The following CDCA2 variants were observed in gnomAD, a reference collection of about 807,000 sequenced individuals.
CDCA2 encodes cell division cycle associated 2.
CDCA2 carries 44 observed loss-of-function variants against 67.0 expected under a neutral mutation model. The observed-to-expected ratio is 0.66, with a 90% CI of 0.52 to 0.84. The LOEUF is 0.84. Ranked by LOEUF, CDCA2 falls within the 40% of genes least tolerant of loss-of-function variation. CDCA2 has a pLI of 0.00. For missense variants in CDCA2, 1,253 were observed against 1,203.2 expected (o/e 1.04, Z -0.61); for synonymous variants, 447 against 418.7 (o/e 1.07, Z -0.82).
At chr8:25,473,098 A>G (rs1423740191) in intron 7 of CDCA2, among the ~76,000 whole-genome samples, 4 of 152,140 alleles carry the variant, frequency 2.6e-5, no homozygotes, top group Non-Finnish European at 5.9e-5. Flanking sequence ...TGTAGGTGAA[A>G]TCATGTGGTT....
chr8:25,506,873 G>C lies in CDCA2; in HGVS notation c.2207G>C (p.Gly736Ala). The C allele has an allele frequency of 6.2e-7, 1 of 1,612,564 alleles. No homozygotes were observed. Among genetic ancestry groups the C allele is most frequent in the Non-Finnish European group, 8.5e-7 (1 of 1,179,480 alleles). ...SPKPALTLQQ[G>A]QEFSAGGQNA... Reference sequence around the variant, plus strand: ...AAACCTGCTCTGACCCTGCAGCAGGGTCAAGAATTTTCTGCTGGTGGTCAA... The same window carrying C: ...AAACCTGCTCTGACCCTGCAGCAGGCTCAAGAATTTTCTGCTGGTGGTCAA... Residue 736 changes from glycine (G) to alanine (A), a missense_variant, in exon 15 of 15, where the codon GGT becomes GCT. Transcript: ENST00000330560.
intron 5 of CDCA2, among the ~76,000 whole-genome samples, chr8:25,467,764 G>T (rs945758600): frequency 1.1e-4 from 17 of 152,050 alleles, no homozygotes; most frequent in African/African-American, 3.6e-4. Flanking sequence ...GAATAAAAAA[G>T]TGTGGTAGAT....
intron 13 of CDCA2, among the ~76,000 whole-genome samples, chr8:25,497,165 C>G (rs953642169): frequency 1.3e-5 from 2 of 152,154 alleles, no homozygotes; most frequent in Admixed American, 6.5e-5. Flanking sequence ...TCCATTTTCA[C>G]AAGCCATTGT....
At chr8:25,477,819 C>G (rs1156747115) in intron 7 of CDCA2, among the ~76,000 whole-genome samples, 1 of 152,178 alleles carries the variant, frequency 6.6e-6, no homozygotes, top group Non-Finnish European at 1.5e-5. Flanking sequence ...TTTTTTCCTT[C>G]ACCAACCTGC....
At chr8:25,489,946 T>C (rs1472088294) in intron 13 of CDCA2, among the ~76,000 whole-genome samples, 3 of 152,166 alleles carry the variant, frequency 2.0e-5, no homozygotes, top group Non-Finnish European at 1.5e-5. Flanking sequence ...ACTAAACTTA[T>C]CAACCTATAC....
chr8:25,494,643 A>G (rs1804141939), intron 13 of CDCA2, among the ~76,000 whole-genome samples: 1 of 152,210 alleles, frequency 6.6e-6, no homozygotes, highest in African/African-American at 2.4e-5. Context: ...AAAGCATGTT[A>G]TAAAACAATA....
rs535721546 is a variant in CDCA2, at chr8:25,491,923, A to G, written c.1671+3234A>G. Among the ~76,000 whole-genome samples, 4 of 152,108 alleles carry G rather than the reference A, an allele frequency of 2.6e-5. No individual in the cohort carries two copies. The East Asian group carries it at 5.8e-4, about 22-fold the overall frequency. ...AGCAATTCTCCTGCCTCAGCCTCCCAGTTAGCTGGGACTACAGGAACGCAC... is the reference window on the plus strand; with the variant it reads ...AGCAATTCTCCTGCCTCAGCCTCCCGGTTAGCTGGGACTACAGGAACGCAC... On this transcript the variant is annotated intron_variant, in intron 13 of 14. Coordinates refer to ENST00000330560, the MANE Select transcript of CDCA2 (RefSeq NM_152562.4).
chr8:25,488,515 G>T (rs745749407), intron 12 of CDCA2, 37 bp from the exon 13 acceptor site: 1 of 1,542,900 alleles, frequency 6.5e-7, no homozygotes, highest in Non-Finnish European at 8.7e-7. Context: ...GTAATTGCTT[G>T]TGCTTTACGG....
chr8:25,486,948 G>C lies in CDCA2; in HGVS notation c.1445-298G>C, dbSNP rs555949299. Among the ~76,000 whole-genome samples the C allele has an allele frequency of 1.3e-5, 2 of 152,168 alleles. 1 individual carries two copies. Among genetic ancestry groups the C allele is most frequent in the Non-Finnish European group, 2.9e-5 (2 of 68,006 alleles). ...TACAAAATGTATCGTGGAATAAATGGGTGTTCATGAAAATACATGCATTTA... is the reference window on the plus strand; with the variant it reads ...TACAAAATGTATCGTGGAATAAATGCGTGTTCATGAAAATACATGCATTTA... On this transcript the variant is annotated intron_variant, in intron 11 of 14. Coordinates refer to ENST00000330560, the MANE Select transcript of CDCA2 (RefSeq NM_152562.4).
In CDCA2 at chr8:25,466,295, G is replaced by A; in HGVS notation, c.508G>A (p.Ala170Thr). 1 of 1,607,280 alleles carries A rather than the reference G, an allele frequency of 6.2e-7. No homozygotes were observed. Among genetic ancestry groups the A allele is most frequent in the Non-Finnish European group, 8.5e-7 (1 of 1,178,336 alleles). The stretch of plus-strand genomic sequence containing the variant: ...GACCGGCTGTCTGGAATTCTCAGAG[G>A]CAGGAAAAGAGTCCGAGATGACAGA... The part of the protein sequence containing the change: ...KMTGCLEFSE[A>T]GKESEMTDLT... The change falls in exon 5 of 15, where the codon GCA (alanine) becomes ACA (threonine). Residue 170 changes from alanine to threonine, a missense_variant. Physicochemically the swap from Ala to Thr is moderately conservative, Grantham distance 58. Transcript: ENST00000330560.
chr8:25,505,764 T>C (rs1804651701), intron 14 of CDCA2, among the ~76,000 whole-genome samples: 1 of 152,204 alleles, frequency 6.6e-6, no homozygotes, highest in Admixed American at 6.5e-5. Flanking sequence ...CAAAAAAGAT[T>C]GCATCTAATA....
At chr8:25,500,892 G>T (rs1394756238) in intron 13 of CDCA2, among the ~76,000 whole-genome samples, 1 of 152,134 alleles carries the variant, frequency 6.6e-6, no homozygotes, top group East Asian at 1.9e-4. Context: ...CTTGCCCAGG[G>T]TTATAAAACA....
At chr8:25,470,457 C>T (rs2117491383) in intron 7 of CDCA2, among the ~76,000 whole-genome samples, 1 of 152,220 alleles carries the variant, frequency 6.6e-6, no homozygotes, top group Middle Eastern at 3.4e-3. Context: ...TTAATCCATT[C>T]TGATAATTTA....
At chr8:25,467,074 A>G (rs2117484452) in intron 5 of CDCA2, among the ~76,000 whole-genome samples, 1 of 148,206 alleles carries the variant, frequency 6.7e-6, no homozygotes, top group African/African-American at 2.5e-5. Context: ...AAACACACAC[A>G]CACACACAAA....
At chr8:25,488,878 T>G (rs1025550544) in intron 13 of CDCA2, among the ~76,000 whole-genome samples, 189 bp downstream of exon 13, 1 of 152,152 alleles carries the variant, frequency 6.6e-6, no homozygotes, top group Admixed American at 6.6e-5. Flanking sequence ...AGGAACACTT[T>G]TGCGTCTTCT....
intron 4 of CDCA2, among the ~76,000 whole-genome samples, chr8:25,463,816 GC>G (rs377251888): frequency 6.8e-4 from 104 of 152,168 alleles, no homozygotes; most frequent in African/African-American, 2.5e-3. Context: ...GCCTTCGTAC[GC>G]CCACTCTAGT....
At position 25,500,267 on chromosome 8, in the gene CDCA2, TTC is replaced by T. The variant is rs1297852554; in HGVS notation, c.1672-3105_1672-3104del. On this transcript the variant is annotated intron_variant, in intron 13 of 14. Coordinates refer to ENST00000330560, the MANE Select transcript of CDCA2 (RefSeq NM_152562.4). ...AGAGGGGATCTTTTTTTTTTTTTTT[TTC>T]CCCATATATCAGAAGCTATTCTGGC... 6.5e-3 allele frequency among the ~76,000 whole-genome samples: 931 copies of T among 144,206 alleles called. 11 individuals carry two copies. The highest frequency in any genetic ancestry group is 0.02 in the African/African-American group (799 of 40,276). 94.6% of individuals were successfully genotyped at this position (144,206 alleles called of 152,430 possible).
At chr8:25,470,020 T>A (rs1169131149) in intron 7 of CDCA2, 40 bp downstream of exon 7, 75 of 1,346,346 alleles carry the variant, frequency 5.6e-5, no homozygotes, top group Non-Finnish European at 7.6e-5. Flanking sequence ...GTTGCCCGAT[T>A]CATAGACATT....
intron 7 of CDCA2, among the ~76,000 whole-genome samples, chr8:25,474,148 T>A (rs1803261361): frequency 6.6e-6 from 1 of 152,232 alleles, no homozygotes; most frequent in Admixed American, 6.5e-5. Flanking sequence ...TAAATCTAAT[T>A]TGATCATGGT....
Sources: gnomAD v4.1 joint callset for allele counts (sites outside exome capture counted in the v4.1 genomes callset) on GRCh38, gnomAD v4.1.1 for gene constraint, MANE v1.5 for transcripts, NCBI Gene and HGNC (gene_info 2026-07-23, HGNC 2026-07-21) for gene names.